AAGAB: variants seen among roughly 807,000 people sequenced by gnomAD.
AAGAB encodes the protein alpha and gamma adaptin binding protein, also known as alpha- and gamma-adaptin-binding protein p34.
Under a neutral mutation model 44.1 loss-of-function variants are expected in AAGAB, and 38 were observed. The ratio of observed to expected loss-of-function variants is 0.86; its 90% CI spans 0.67 to 1.13. The LOEUF (loss-of-function observed/expected upper bound fraction) is 1.13. AAGAB is among the 50% of genes most tolerant of loss of function. AAGAB has a pLI of 0.00. For synonymous variants in AAGAB, 131 were observed against 131.8 expected (o/e 0.99, Z 0.04); for missense variants, 450 against 373.8 (o/e 1.20, Z -1.68).
chr15:67,229,940 T>C (rs1411814067), intron 5 of AAGAB, among the ~76,000 whole-genome samples: 1 of 151,902 alleles, frequency 6.6e-6, no homozygotes, highest in African/African-American at 2.4e-5. Context: ...TCTGACTCCC[T>C]GGTTCAAGTG....
upstream of AAGAB, chr15:67,254,886 C>G: frequency 6.2e-7 from 1 of 1,613,456 alleles, no homozygotes. Context: ...TAGCCGTTCC[C>G]TGACCTAGCC....
intron 1 of AAGAB, among the ~76,000 whole-genome samples, chr15:67,249,193 C>T (rs187990212): frequency 4.9e-4 from 75 of 152,156 alleles, no homozygotes; most frequent in African/African-American, 1.8e-3. Context: ...CACCACCACA[C>T]CCGGCTAATT....
At chr15:67,251,575 A>G (rs1262728049) in intron 1 of AAGAB, among the ~76,000 whole-genome samples, 1 of 152,184 alleles carries the variant, frequency 6.6e-6, no homozygotes, top group African/African-American at 2.4e-5. Flanking sequence ...AATAATTCTA[A>G]TAAGCTGTTA....
intron 5 of AAGAB, among the ~76,000 whole-genome samples, chr15:67,222,240 G>GCACACACACACACACACACACA (rs1156310462): frequency 1.1e-5 from 1 of 88,194 alleles, no homozygotes; most frequent in East Asian, 3.8e-4. Flanking sequence ...ACGCGCGCGC[G>GCACACACACACACACACACACA]CGCACACACA....
chr15:67,224,641 C>T (rs1171889473), intron 5 of AAGAB, among the ~76,000 whole-genome samples: 1 of 145,634 alleles, frequency 6.9e-6, no homozygotes, highest in Non-Finnish European at 1.5e-5. Flanking sequence ...AGTGCAGTGG[C>T]GCGATCTCAG....
At chr15:67,219,817 A>C (rs1306958423) in intron 5 of AAGAB, among the ~76,000 whole-genome samples, 1 of 152,238 alleles carries the variant, frequency 6.6e-6, no homozygotes, top group African/African-American at 2.4e-5. Context: ...CAAGGATATA[A>C]AACTAAGTTC....
Position 67,236,757 on chromosome 15 carries a change from G to T in AAGAB, c.137C>A (p.Pro46His), listed in dbSNP as rs1040233659. ...VTSNDAVRFY[P>H]WTIDNKYYSA... is the part of the protein sequence containing the mutation. ...ATAGTATTTATTATCAATGGTCCAG[G>T]GATAAAATCTCACAGCATCATTGGA... The change falls in exon 2 of 10, where the codon CCC becomes CAC. Residue 46 changes from proline to histidine, a missense_variant. Coordinates refer to ENST00000261880, the MANE Select transcript of AAGAB (RefSeq NM_024666.5). 6.2e-7 allele frequency: 1 copy of T among 1,612,464 alleles called. No homozygotes were observed. Among genetic ancestry groups the T allele is most frequent in the Non-Finnish European group, 8.5e-7 (1 of 1,179,290 alleles).
intron 1 of AAGAB, among the ~76,000 whole-genome samples, chr15:67,245,059 A>T (rs1964689387): frequency 1.3e-5 from 2 of 152,216 alleles, no homozygotes; most frequent in African/African-American, 4.8e-5. Flanking sequence ...ACTTATGGGA[A>T]TATAAAATGG....
intron 2 of AAGAB, 45 bp from the exon 3 acceptor site, chr15:67,236,549 T>G: frequency 6.2e-7 from 1 of 1,605,846 alleles, no homozygotes; most frequent in Admixed American, 1.7e-5. Flanking sequence ...AGAAAAGAGA[T>G]AGTCAGACAA....
At chr15:67,253,684 T>A (rs1045795862) in intron 1 of AAGAB, among the ~76,000 whole-genome samples, 3 of 151,350 alleles carry the variant, frequency 2.0e-5, no homozygotes, top group Non-Finnish European at 2.9e-5. Flanking sequence ...AGCCCAGGAG[T>A]TCGAGGCTGA....
Position 67,202,785 on chromosome 15 carries a change from T to C in AAGAB, c.*36A>G. The C allele has an allele frequency of 6.2e-7, 1 of 1,601,884 alleles. No individual in the cohort carries two copies. ...AGTAGAGAGGTATCTCAGAGACAGC[T>C]AGCATCTTTGTTGGTCAAACCCTAG... On this transcript the variant is annotated 3_prime_UTR_variant, in exon 10 of 10. Transcript: ENST00000261880.
chr15:67,227,619 C>G (rs1964234082), intron 5 of AAGAB, among the ~76,000 whole-genome samples: 1 of 152,092 alleles, frequency 6.6e-6, no homozygotes, highest in African/African-American at 2.4e-5. Context: ...CTTGGACATT[C>G]AAGAAAAGCA....
intron 7 of AAGAB, among the ~76,000 whole-genome samples, chr15:67,204,670 A>G (rs1212463866): frequency 6.6e-6 from 1 of 152,222 alleles, no homozygotes; most frequent in Non-Finnish European, 1.5e-5. Context: ...ACTCATCTAA[A>G]ATTACAGCTA....
chr15:67,245,053 A>C (rs1270385706), intron 1 of AAGAB, among the ~76,000 whole-genome samples: 2 of 152,218 alleles, frequency 1.3e-5, no homozygotes, highest in African/African-American at 4.8e-5. Context: ...ATCCTCACTT[A>C]TGGGAATATA....
intron 5 of AAGAB, among the ~76,000 whole-genome samples, chr15:67,214,360 G>A (rs1963892560): frequency 6.6e-6 from 1 of 152,206 alleles, no homozygotes; most frequent in South Asian, 2.1e-4. Context: ...ACAAATGGTA[G>A]ACAGGTGGCT....
rs115819231 is a variant in AAGAB, at chr15:67,252,470, T to C, written c.73+2089A>G. The stretch of plus-strand genomic sequence containing the variant: ...AAAAAATTTTTAAAAACAGAAAAAA[T>C]TGTGTATTAAATGTAATTACAATTA... On this transcript the variant is annotated intron_variant, in intron 1 of 9. Transcript: ENST00000261880. Among the ~76,000 whole-genome samples, 140 of 152,230 alleles carry C rather than the reference T, an allele frequency of 9.2e-4. 1 individual carries two copies. Among genetic ancestry groups the C allele is most frequent in the African/African-American group, 3.1e-3 (129 of 41,536 alleles).
At chr15:67,222,282 A>ACACACACACACACACACACACACC (rs796412643) in intron 5 of AAGAB, among the ~76,000 whole-genome samples, 1,557 of 139,500 alleles carry the variant, frequency 0.011, 52 homozygotes, top group Middle Eastern at 0.027. Context: ...ACACACACAC[A>ACACACACACACACACACACACACC]CCCTCCACCC....
At chr15:67,251,990 T>G (rs540222482) in intron 1 of AAGAB, among the ~76,000 whole-genome samples, 1 of 152,376 alleles carries the variant, frequency 6.6e-6, no homozygotes, top group East Asian at 1.9e-4. Context: ...TGTTCTTCTT[T>G]TATTTTTTAC....
At chr15:67,244,611 T>C (rs1181792025) in intron 1 of AAGAB, among the ~76,000 whole-genome samples, 2 of 152,114 alleles carry the variant, frequency 1.3e-5, no homozygotes, top group Non-Finnish European at 2.9e-5. Context: ...GAGACAAGGC[T>C]GCCCAGCATG....
Sources: gnomAD v4.1 joint callset for allele counts (sites outside exome capture counted in the v4.1 genomes callset) on GRCh38, gnomAD v4.1.1 for gene constraint, MANE v1.5 for transcripts, NCBI Gene and HGNC (gene_info 2026-07-23, HGNC 2026-07-21) for gene names.